Variants in WDR70 observed in about 807,000 individuals in gnomAD.
WDR70 encodes WD repeat domain 70, also known as WD repeat-containing protein 70.
A neutral mutation model predicts 88.6 loss-of-function variants in WDR70; 53 were observed. That is an observed-to-expected ratio of 0.60 (90% CI 0.48 to 0.75). The LOEUF (loss-of-function observed/expected upper bound fraction) is 0.75, where lower values mean the gene tolerates loss of function less well. Ranked by LOEUF, WDR70 falls within the 30% of genes least tolerant of loss-of-function variation. The pLI, the probability that WDR70 is intolerant of heterozygous loss-of-function variation, is 0.00. For missense variants in WDR70, 610 were observed against 823.2 expected (o/e 0.74, Z 3.17); for synonymous variants, 280 against 270.0 (o/e 1.04, Z -0.36).
chr5:37,560,354 A>C (rs541699452), intron 9 of WDR70, among the ~76,000 whole-genome samples: 1 of 152,090 alleles, frequency 6.6e-6, no homozygotes, highest in South Asian at 2.1e-4. Flanking sequence ...CTGTTGGTCC[A>C]TATGTTTTCT....
At position 37,532,469 on chromosome 5, in the gene WDR70, C is replaced by T. The variant is rs1741525915; in HGVS notation, c.917+15879C>T. Among the ~76,000 whole-genome samples the T allele has an allele frequency of 2.0e-5, 3 of 152,058 alleles. No homozygotes were observed. The South Asian group carries it at 6.2e-4, about 32-fold the overall frequency. On this transcript the variant is annotated intron_variant, in intron 9 of 17. Coordinates refer to ENST00000265107, the MANE Select transcript of WDR70 (RefSeq NM_018034.4). ...TGTTCATTTTTAAAAATTCTTTCTTCTTTGTCCTTGATGGATTGGGTTAAT... is the reference window on the plus strand; with the variant it reads ...TGTTCATTTTTAAAAATTCTTTCTTTTTTGTCCTTGATGGATTGGGTTAAT...
At chr5:37,570,192 G>A (rs1364686672) in intron 9 of WDR70, among the ~76,000 whole-genome samples, 1 of 152,066 alleles carries the variant, frequency 6.6e-6, no homozygotes, top group African/African-American at 2.4e-5. Context: ...AGGCAAAATT[G>A]ACAGGACATA....
intron 5 of WDR70, among the ~76,000 whole-genome samples, chr5:37,428,117 A>G (rs1750191824): frequency 6.6e-6 from 1 of 151,932 alleles, no homozygotes; most frequent in Non-Finnish European, 1.5e-5. Flanking sequence ...TGTCTTAGAC[A>G]TATGTCAGTC....
chr5:37,411,505 C>T (rs1749524172), intron 5 of WDR70, among the ~76,000 whole-genome samples: 1 of 152,038 alleles, frequency 6.6e-6, no homozygotes, highest in African/African-American at 2.4e-5. Context: ...GCGGGTGGAT[C>T]AGTTGAGGTC....
chr5:37,472,049 T>G (rs1739342016), intron 7 of WDR70, among the ~76,000 whole-genome samples: 1 of 151,990 alleles, frequency 6.6e-6, no homozygotes, highest in Non-Finnish European at 1.5e-5. Context: ...AATGATACCC[T>G]TTATCAAATT....
intron 5 of WDR70, among the ~76,000 whole-genome samples, chr5:37,427,483 T>C (rs1043610404): frequency 5.3e-5 from 8 of 152,218 alleles, no homozygotes; most frequent in Non-Finnish European, 8.8e-5. Flanking sequence ...CATGTACATG[T>C]ACACACACAT....
At chr5:37,498,420 C>T (rs529278985) in intron 8 of WDR70, among the ~76,000 whole-genome samples, 25 of 152,274 alleles carry the variant, frequency 1.6e-4, no homozygotes, top group Non-Finnish European at 8.8e-5. Flanking sequence ...TCCCAGGGCT[C>T]AGTGTTGAGC....
chr5:37,566,436 C>T (rs540074680), intron 9 of WDR70, among the ~76,000 whole-genome samples: 94 of 151,638 alleles, frequency 6.2e-4, no homozygotes, highest in African/African-American at 2.1e-3. Flanking sequence ...ATTTTTTTTT[C>T]TTTAACCCCC....
intron 8 of WDR70, among the ~76,000 whole-genome samples, chr5:37,487,417 A>G (rs2112180156): frequency 6.6e-6 from 1 of 151,718 alleles, no homozygotes; most frequent in East Asian, 1.9e-4. Context: ...ATTGTGGTTT[A>G]CTGGAAAATT....
At chr5:37,677,862 A>G (rs1456947721) in intron 10 of WDR70, among the ~76,000 whole-genome samples, 1 of 152,112 alleles carries the variant, frequency 6.6e-6, no homozygotes, top group African/African-American at 2.4e-5. Flanking sequence ...ATTGTGTGGG[A>G]GTCTAAATCT....
At chr5:37,660,349 G>A (rs924638711) in intron 10 of WDR70, among the ~76,000 whole-genome samples, 1 of 151,980 alleles carries the variant, frequency 6.6e-6, no homozygotes, top group Admixed American at 6.6e-5. Flanking sequence ...GATCATGTCA[G>A]CCTATATCTA....
At chr5:37,687,462 G>A (rs137929878) in intron 10 of WDR70, among the ~76,000 whole-genome samples, 30 of 152,302 alleles carry the variant, frequency 2.0e-4, no homozygotes, top group Non-Finnish European at 4.4e-4. Flanking sequence ...AATGGAATAT[G>A]TTGGAGGTCA....
intron 8 of WDR70, among the ~76,000 whole-genome samples, chr5:37,481,442 G>T (rs1446190331): frequency 6.6e-6 from 1 of 152,150 alleles, no homozygotes; most frequent in East Asian, 1.9e-4. Context: ...CTGTGCATCT[G>T]CAGGCTTAAC....
chr5:37,625,716 A>G (rs555048132), intron 10 of WDR70, among the ~76,000 whole-genome samples: 1 of 152,072 alleles, frequency 6.6e-6, no homozygotes, highest in African/African-American at 2.4e-5. Context: ...TTTAGTAGAC[A>G]TGTGGTTTCA....
chr5:37,606,324 G>C (rs1744029551), intron 10 of WDR70, among the ~76,000 whole-genome samples: 1 of 152,116 alleles, frequency 6.6e-6, no homozygotes, highest in Admixed American at 6.5e-5. Flanking sequence ...ACCTCATAAA[G>C]CTTCATAACA....
intron 5 of WDR70, among the ~76,000 whole-genome samples, chr5:37,397,783 A>C (rs71588450): frequency 0.18 from 26,629 of 152,030 alleles, 2,804 homozygotes; most frequent in East Asian, 0.38. Context: ...TCACGAGGTC[A>C]AGAGATTGAG....
intron 7 of WDR70, among the ~76,000 whole-genome samples, chr5:37,449,929 G>A (rs1738625018): frequency 6.6e-6 from 1 of 152,052 alleles, no homozygotes; most frequent in Non-Finnish European, 1.5e-5. Context: ...CCTGGTGTGT[G>A]ATATTCCCCT....
intron 10 of WDR70, among the ~76,000 whole-genome samples, chr5:37,697,034 C>T (rs954618223): frequency 6.6e-6 from 1 of 152,130 alleles, no homozygotes; most frequent in African/African-American, 2.4e-5. Flanking sequence ...ACCTCAGTTT[C>T]TCAAACTATA....
At chr5:37,706,500 C>T (rs1403970221) in intron 13 of WDR70, among the ~76,000 whole-genome samples, 3 of 152,090 alleles carry the variant, frequency 2.0e-5, no homozygotes, top group African/African-American at 7.2e-5. Flanking sequence ...ATAGTGAATA[C>T]GTCTCATGAG....
Sources: allele counts gnomAD v4.1 joint callset (sites outside exome capture counted in the v4.1 genomes callset), GRCh38; gene constraint gnomAD v4.1.1; transcripts MANE v1.5; gene names NCBI Gene and HGNC (gene_info 2026-07-23, HGNC 2026-07-21).